Variants in GPC6 observed in about 807,000 individuals in gnomAD.
GPC6 encodes the protein glypican 6.
Under a neutral mutation model 55.2 loss-of-function variants are expected in GPC6, and 14 were observed. The observed-to-expected ratio is 0.25, with a 90% CI of 0.17 to 0.40. The LOEUF (loss-of-function observed/expected upper bound fraction) is 0.40. Ranked by LOEUF, GPC6 falls within the 10% of genes least tolerant of loss-of-function variation. The pLI, the probability that GPC6 is intolerant of heterozygous loss-of-function variation, is 1.00. For missense variants in GPC6, 641 were observed against 708.5 expected (o/e 0.90, Z 1.08); for synonymous variants, 278 against 259.6 (o/e 1.07, Z -0.68).
chr13:93,906,189 A>G (rs899249764), intron 3 of GPC6, among the ~76,000 whole-genome samples: 1 of 152,036 alleles, frequency 6.6e-6, no homozygotes, highest in Non-Finnish European at 1.5e-5. Context: ...GGTCAACTTC[A>G]TCCTTTTACC....
At chr13:93,467,551 C>T (rs983257607) in intron 1 of GPC6, among the ~76,000 whole-genome samples, 2 of 147,962 alleles carry the variant, frequency 1.4e-5, no homozygotes, top group Non-Finnish European at 3.0e-5. Context: ...ATACCTGATG[C>T]TACCCTGCTG....
At chr13:93,238,504 T>G (rs1198562287) in intron 1 of GPC6, among the ~76,000 whole-genome samples, 7 of 147,442 alleles carry the variant, frequency 4.7e-5, no homozygotes, top group African/African-American at 1.8e-4. Flanking sequence ...TTTTTAGGTA[T>G]AGGAACATAT....
chr13:93,626,656 G>A (rs1169173902), intron 2 of GPC6, among the ~76,000 whole-genome samples: 2 of 152,026 alleles, frequency 1.3e-5, no homozygotes, highest in African/African-American at 4.8e-5. Flanking sequence ...ACAAAAATTA[G>A]CCAGGCATAG....
chr13:93,831,582 T>C (rs1470737360), intron 3 of GPC6, among the ~76,000 whole-genome samples: 1 of 151,724 alleles, frequency 6.6e-6, no homozygotes, highest in Non-Finnish European at 1.5e-5. Flanking sequence ...CACTTTGGTC[T>C]CCTCAATATT....
intron 1 of GPC6, among the ~76,000 whole-genome samples, chr13:93,249,039 T>G (rs1415608759): frequency 6.6e-6 from 1 of 152,178 alleles, no homozygotes; most frequent in Non-Finnish European, 1.5e-5. Context: ...TTTACAGACA[T>G]TGTACCAACA....
At chr13:93,911,550 G>T (rs950537860) in intron 3 of GPC6, among the ~76,000 whole-genome samples, 1 of 152,190 alleles carries the variant, frequency 6.6e-6, no homozygotes, top group Non-Finnish European at 1.5e-5. Context: ...TGGAAGCACT[G>T]CATGGCAGTG....
chr13:94,205,325 CTTA>C (rs1232083619), intron 4 of GPC6, among the ~76,000 whole-genome samples: 1 of 152,170 alleles, frequency 6.6e-6, no homozygotes, highest in Admixed American at 6.6e-5. Context: ...TCTAGCCCAT[CTTA>C]TTATAGCAAA....
intron 4 of GPC6, among the ~76,000 whole-genome samples, chr13:94,110,114 G>A (rs1886190972): frequency 6.6e-6 from 1 of 151,584 alleles, no homozygotes; most frequent in South Asian, 2.1e-4. Flanking sequence ...ATAGGCAAGG[G>A]TCACCATAGG....
At chr13:93,759,023 C>T (rs1173106272) in intron 2 of GPC6, among the ~76,000 whole-genome samples, 2 of 152,040 alleles carry the variant, frequency 1.3e-5, no homozygotes, top group Non-Finnish European at 2.9e-5. Context: ...TTTCTCCTGT[C>T]TAGAGTAACC....
At chr13:93,765,843 T>A (rs1425534805) in intron 2 of GPC6, among the ~76,000 whole-genome samples, 1 of 152,262 alleles carries the variant, frequency 6.6e-6, no homozygotes, top group African/African-American at 2.4e-5. Context: ...AACATGGAGC[T>A]GTTCTCAAGT....
At chr13:93,970,121 C>T (rs1880219433) in intron 3 of GPC6, among the ~76,000 whole-genome samples, 1 of 152,120 alleles carries the variant, frequency 6.6e-6, no homozygotes, top group African/African-American at 2.4e-5. Flanking sequence ...TAAGAGCCTT[C>T]TTAATATTTA....
chr13:94,389,326 G>T (rs1188178724), intron 7 of GPC6, among the ~76,000 whole-genome samples: 1 of 152,138 alleles, frequency 6.6e-6, no homozygotes, highest in Non-Finnish European at 1.5e-5. Flanking sequence ...GGGCGTTCTG[G>T]GCAGTCGGTG....
At chr13:94,361,020 G>T (rs1258981326) in intron 6 of GPC6, among the ~76,000 whole-genome samples, 1 of 152,142 alleles carries the variant, frequency 6.6e-6, no homozygotes, top group Non-Finnish European at 1.5e-5. Flanking sequence ...GTGAGGATTT[G>T]ATGACATCTC....
chr13:93,660,386 T>A (rs1326566459), intron 2 of GPC6, among the ~76,000 whole-genome samples: 1 of 152,192 alleles, frequency 6.6e-6, no homozygotes, highest in African/African-American at 2.4e-5. Flanking sequence ...AAATTATGGA[T>A]TAACATGTTT....
chr13:93,521,443 A>G (rs1215701683), intron 1 of GPC6, among the ~76,000 whole-genome samples: 1 of 151,982 alleles, frequency 6.6e-6, no homozygotes, highest in African/African-American at 2.4e-5. Flanking sequence ...CAGCAGTGCT[A>G]CTATTCTGGA....
chr13:93,754,822 C>A (rs943386457), intron 2 of GPC6, among the ~76,000 whole-genome samples: 20 of 152,104 alleles, frequency 1.3e-4, no homozygotes, highest in Non-Finnish European at 2.5e-4. Context: ...TTTGAGGCCA[C>A]CCAAATTGGT....
chr13:94,346,146 G>A (rs768729572), intron 6 of GPC6, among the ~76,000 whole-genome samples: 1 of 152,072 alleles, frequency 6.6e-6, no homozygotes, highest in Non-Finnish European at 1.5e-5. Flanking sequence ...ACTTTATTCT[G>A]GTATGAGCCC....
chr13:94,053,713 T>G (rs562910709), intron 4 of GPC6, among the ~76,000 whole-genome samples: 1 of 152,312 alleles, frequency 6.6e-6, no homozygotes, highest in South Asian at 2.1e-4. Flanking sequence ...ACACCCATTT[T>G]CTGGGTAGTT....
intron 4 of GPC6, among the ~76,000 whole-genome samples, chr13:94,223,923 T>A (rs1465879455): frequency 6.6e-6 from 1 of 152,190 alleles, no homozygotes; most frequent in African/African-American, 2.4e-5. Context: ...CATGCATGTT[T>A]CAGCTGAGGT....
Sources: gnomAD v4.1 joint callset for allele counts (sites outside exome capture counted in the v4.1 genomes callset) on GRCh38, gnomAD v4.1.1 for gene constraint, MANE v1.5 for transcripts, NCBI Gene and HGNC (gene_info 2026-07-23, HGNC 2026-07-21) for gene names.